Variants in FHIT observed in about 807,000 individuals in gnomAD.
FHIT encodes the protein bis(5'-adenosyl)-triphosphatase.
Under a neutral mutation model 17.9 loss-of-function variants are expected in FHIT, and 19 were observed. That is an observed-to-expected ratio of 1.06 (90% CI 0.74 to 1.56). The LOEUF is 1.56. Ranked by LOEUF, FHIT falls within the 40% of genes most tolerant of loss-of-function variation. The pLI is 0.00. For synonymous variants in FHIT, 81 were observed against 69.7 expected (o/e 1.16, Z -0.81); for missense variants, 248 against 189.2 (o/e 1.31, Z -1.82).
At chr3:59,985,327 C>T (rs565026777) in intron 7 of FHIT, among the ~76,000 whole-genome samples, 1 of 152,184 alleles carries the variant, frequency 6.6e-6, no homozygotes, top group African/African-American at 2.4e-5. Context: ...CAGGGTAAGG[C>T]AGAGTATTTG....
chr3:59,861,786 T>G (rs925183244), intron 8 of FHIT, among the ~76,000 whole-genome samples: 2 of 152,118 alleles, frequency 1.3e-5, no homozygotes, highest in South Asian at 4.1e-4. Context: ...TATATTTTTA[T>G]GCCAAAAAGT....
intron 3 of FHIT, among the ~76,000 whole-genome samples, chr3:60,960,247 G>A (rs887076401): frequency 2.6e-5 from 4 of 152,108 alleles, no homozygotes; most frequent in African/African-American, 7.2e-5. Context: ...GCCAAGAGTC[G>A]ACTGAGAGAT....
intron 8 of FHIT, among the ~76,000 whole-genome samples, chr3:59,847,535 G>A (rs1484641616): frequency 6.6e-6 from 1 of 152,004 alleles, no homozygotes; most frequent in Non-Finnish European, 1.5e-5. Flanking sequence ...TCTATGATAG[G>A]TAGTTTAAGT....
intron 3 of FHIT, among the ~76,000 whole-genome samples, chr3:60,929,021 T>C (rs1707806137): frequency 6.6e-6 from 1 of 152,192 alleles, no homozygotes; most frequent in African/African-American, 2.4e-5. Context: ...TCCACCATGA[T>C]CAAGTTGGCT....
intron 5 of FHIT, among the ~76,000 whole-genome samples, chr3:60,266,453 T>A (rs1706580987): frequency 6.6e-6 from 1 of 152,060 alleles, no homozygotes; most frequent in Non-Finnish European, 1.5e-5. Flanking sequence ...TTGGTGGTGA[T>A]GAAAATGGTC....
At chr3:61,116,049 G>A (rs2036289929) in intron 2 of FHIT, among the ~76,000 whole-genome samples, 1 of 152,114 alleles carries the variant, frequency 6.6e-6, no homozygotes, top group Non-Finnish European at 1.5e-5. Flanking sequence ...AGGGACGGCT[G>A]AGGAAAATCC....
chr3:60,930,605 C>A (rs1707898137), intron 3 of FHIT, among the ~76,000 whole-genome samples: 1 of 152,144 alleles, frequency 6.6e-6, no homozygotes, highest in African/African-American at 2.4e-5. Flanking sequence ...CCAAAAGACA[C>A]ATGAAAAAAT....
intron 4 of FHIT, among the ~76,000 whole-genome samples, chr3:60,811,254 C>G (rs1553735958): frequency 1.3e-5 from 2 of 152,118 alleles, no homozygotes; most frequent in African/African-American, 2.4e-5. Context: ...AGAAGAAAAA[C>G]AGTAAGCTAA....
chr3:61,223,822 C>T (rs1023026070), intron 1 of FHIT, among the ~76,000 whole-genome samples: 4 of 149,680 alleles, frequency 2.7e-5, no homozygotes, highest in African/African-American at 9.8e-5. Context: ...GAAACTTTCA[C>T]AGCTAAAGAA....
chr3:60,622,809 C>T (rs1398903602), intron 4 of FHIT, among the ~76,000 whole-genome samples: 2 of 152,168 alleles, frequency 1.3e-5, no homozygotes, highest in Non-Finnish European at 2.9e-5. Flanking sequence ...TGAAACAATA[C>T]ATTATTCCAA....
chr3:60,087,595 TC>T (rs973010633), intron 5 of FHIT, among the ~76,000 whole-genome samples: 1 of 152,180 alleles, frequency 6.6e-6, no homozygotes, highest in African/African-American at 2.4e-5. Context: ...AGCATTTTCA[TC>T]CACCAGATAC....
chr3:60,114,489 C>CTTTTTTTTTTTTTTTTTTTTTTTTT (rs1576129465), intron 5 of FHIT, among the ~76,000 whole-genome samples: 2 of 61,602 alleles, frequency 3.2e-5, no homozygotes, highest in Non-Finnish European at 5.8e-5. Flanking sequence ...AAGAGAAATC[C>CTTTTTTTTTTTTTTTTTTTTTTTTT]TTTTTTTTTT....
chr3:59,916,148 G>A (rs777364716), intron 8 of FHIT, among the ~76,000 whole-genome samples: 21 of 152,228 alleles, frequency 1.4e-4, no homozygotes, highest in South Asian at 6.2e-4. Context: ...CTAATCAGCC[G>A]TCAGCATGGC....
At chr3:59,899,678 C>CA (rs199936591) in intron 8 of FHIT, among the ~76,000 whole-genome samples, 8,312 of 143,658 alleles carry the variant, frequency 0.058, 267 homozygotes, top group Non-Finnish European at 0.065. Context: ...TACTAAAATA[C>CA]AAAAAAACAA....
intron 3 of FHIT, among the ~76,000 whole-genome samples, chr3:60,855,952 G>A (rs1488724245): frequency 6.6e-6 from 1 of 152,140 alleles, no homozygotes; most frequent in Non-Finnish European, 1.5e-5. Flanking sequence ...GAGTGTGAGA[G>A]TGTAAGCTTA....
intron 3 of FHIT, among the ~76,000 whole-genome samples, chr3:60,870,738 G>C (rs1457336244): frequency 6.6e-6 from 1 of 152,126 alleles, no homozygotes; most frequent in African/African-American, 2.4e-5. Flanking sequence ...CCACTAGTCT[G>C]TGCAGTGGGC....
intron 4 of FHIT, among the ~76,000 whole-genome samples, chr3:60,781,886 G>T (rs1553725771): frequency 6.6e-6 from 1 of 152,046 alleles, no homozygotes; most frequent in Non-Finnish European, 1.5e-5. Context: ...GAAGTACAAA[G>T]TGATACTATG....
intron 2 of FHIT, among the ~76,000 whole-genome samples, chr3:61,115,356 T>C (rs2036271071): frequency 6.6e-6 from 1 of 152,030 alleles, no homozygotes. Flanking sequence ...GAGCCTGGCA[T>C]AGAATGGATC....
chr3:61,070,706 T>C (rs1020286771), intron 2 of FHIT, among the ~76,000 whole-genome samples: 1 of 152,202 alleles, frequency 6.6e-6, no homozygotes, highest in Non-Finnish European at 1.5e-5. Flanking sequence ...CATCTCTCTT[T>C]GTACCCCCTG....
Sources: allele counts gnomAD v4.1 joint callset (sites outside exome capture counted in the v4.1 genomes callset), GRCh38; gene constraint gnomAD v4.1.1; transcripts MANE v1.5; gene names NCBI Gene and HGNC (gene_info 2026-07-23, HGNC 2026-07-21).